SETBP1: variants seen among roughly 807,000 people sequenced by gnomAD.
SETBP1 encodes the protein SET-binding protein.
SETBP1 carries 9 observed loss-of-function variants against 101.0 expected under a neutral mutation model. That is an observed-to-expected ratio of 0.09 (90% CI 0.05 to 0.16). The LOEUF (loss-of-function observed/expected upper bound fraction) is 0.16, where lower values mean the gene tolerates loss of function less well. Among genes scored for constraint, SETBP1 ranks in the 10% least tolerant of loss-of-function variants. The probability of loss-of-function intolerance (pLI) is 1.00; values close to 1 mark genes in which losing one functional copy is unlikely to be tolerated. For missense variants in SETBP1, 1,858 were observed against 2,033.8 expected, an observed-to-expected ratio of 0.91 and a Z score of 1.66; for synonymous variants, 818 against 788.5, an observed-to-expected ratio of 1.04 and a Z score of -0.63.
chr18:44,812,849 A>G (rs544642085), intron 2 of SETBP1, among the ~76,000 whole-genome samples: 1 of 152,372 alleles, frequency 6.6e-6, no homozygotes, highest in South Asian at 2.1e-4. Flanking sequence ...AAAATGCTAC[A>G]CTTCAGCAGG....
intron 3 of SETBP1, among the ~76,000 whole-genome samples, chr18:44,933,903 G>A (rs1048094798): frequency 6.6e-6 from 1 of 152,088 alleles, no homozygotes; most frequent in Non-Finnish European, 1.5e-5. Context: ...CCTCCCAGGT[G>A]AGGCGATGCC....
At chr18:45,010,103 G>A (rs2072808098) in intron 4 of SETBP1, among the ~76,000 whole-genome samples, 1 of 152,132 alleles carries the variant, frequency 6.6e-6, no homozygotes, top group Admixed American at 6.5e-5. Context: ...TTTACTCCAT[G>A]CGCTCTCCTG....
intron 3 of SETBP1, among the ~76,000 whole-genome samples, chr18:44,928,589 C>T (rs2070755805): frequency 6.6e-6 from 1 of 152,194 alleles, no homozygotes; most frequent in Admixed American, 6.5e-5. Context: ...TCTCCAGCAC[C>T]TGTTGTTTCC....
chr18:44,714,766 T>C, intron 2 of SETBP1, among the ~76,000 whole-genome samples: 1 of 152,028 alleles, frequency 6.6e-6, no homozygotes, highest in Non-Finnish European at 1.5e-5. Flanking sequence ...CTAAGAAGTA[T>C]TGATCTCAGG....
intron 2 of SETBP1, among the ~76,000 whole-genome samples, chr18:44,766,813 A>G (rs2070771446): frequency 6.6e-6 from 1 of 152,232 alleles, no homozygotes; most frequent in Admixed American, 6.5e-5. Context: ...CTCTGAAAAA[A>G]AAAGTGATTA....
At chr18:44,816,594 C>G (rs1337924223) in intron 2 of SETBP1, among the ~76,000 whole-genome samples, 1 of 152,104 alleles carries the variant, frequency 6.6e-6, no homozygotes. Flanking sequence ...CTGTGCACAC[C>G]AGAGCATCAG....
At chr18:44,931,741 A>G (rs1279943301) in intron 3 of SETBP1, among the ~76,000 whole-genome samples, 1 of 152,056 alleles carries the variant, frequency 6.6e-6, no homozygotes, top group Non-Finnish European at 1.5e-5. Context: ...ACTCTGTTTT[A>G]TTAGAGACTA....
At chr18:44,971,165 G>C (rs2071847827) in intron 4 of SETBP1, among the ~76,000 whole-genome samples, 1 of 152,076 alleles carries the variant, frequency 6.6e-6, no homozygotes, top group African/African-American at 2.4e-5. Context: ...TCAGAATGAT[G>C]GTTTCCAGCT....
intron 3 of SETBP1, among the ~76,000 whole-genome samples, chr18:44,897,048 G>A (rs775905394): frequency 6.6e-6 from 1 of 152,128 alleles, no homozygotes; most frequent in African/African-American, 2.4e-5. Context: ...ACTTTGCTTC[G>A]CTTCTGGTGG....
At chr18:44,685,870 C>CTA (rs1378656161) in intron 1 of SETBP1, among the ~76,000 whole-genome samples, 1 of 152,210 alleles carries the variant, frequency 6.6e-6, no homozygotes, top group African/African-American at 2.4e-5. Flanking sequence ...TAGATGCCTA[C>CTA]TATGCCATGT....
chr18:44,698,253 A>G (rs1026880248), intron 1 of SETBP1, among the ~76,000 whole-genome samples: 1 of 152,192 alleles, frequency 6.6e-6, no homozygotes, highest in African/African-American at 2.4e-5. Flanking sequence ...TGCCTCTAAC[A>G]TCAGATTCCC....
intron 2 of SETBP1, among the ~76,000 whole-genome samples, chr18:44,767,839 T>G (rs2070790998): frequency 6.6e-6 from 1 of 152,208 alleles, no homozygotes; most frequent in Admixed American, 6.5e-5. Flanking sequence ...AAACAAGCCT[T>G]TGATATACTC....
intron 2 of SETBP1, among the ~76,000 whole-genome samples, chr18:44,744,516 A>G (rs1426061406): frequency 6.6e-6 from 1 of 152,240 alleles, no homozygotes; most frequent in Non-Finnish European, 1.5e-5. Context: ...CCCAAGAGCC[A>G]GTGGGAAATG....
intron 3 of SETBP1, among the ~76,000 whole-genome samples, chr18:44,902,792 G>C (rs1455193047): frequency 1.3e-5 from 2 of 151,622 alleles, no homozygotes; most frequent in Non-Finnish European, 2.9e-5. Context: ...TATGTTATTG[G>C]GATTATTAGT....
chr18:44,889,242 T>C (rs2083080745), intron 3 of SETBP1, among the ~76,000 whole-genome samples: 1 of 152,102 alleles, frequency 6.6e-6, no homozygotes, highest in South Asian at 2.1e-4. Context: ...TTTAAAAACA[T>C]TTCATTTTTC....
At chr18:44,886,667 T>C (rs2144761934) in intron 3 of SETBP1, among the ~76,000 whole-genome samples, 2 of 152,018 alleles carry the variant, frequency 1.3e-5, no homozygotes, top group Admixed American at 1.3e-4. Flanking sequence ...CATGAGCACC[T>C]ATCAGAAATA....
At chr18:45,021,624 C>T (rs541210699) in intron 4 of SETBP1, among the ~76,000 whole-genome samples, 5 of 152,196 alleles carry the variant, frequency 3.3e-5, no homozygotes, top group African/African-American at 1.2e-4. Flanking sequence ...ATATACAACT[C>T]ATAAAGAGAA....
chr18:44,958,346 A>G (rs1381373856), intron 4 of SETBP1, among the ~76,000 whole-genome samples: 1 of 152,202 alleles, frequency 6.6e-6, no homozygotes, highest in Non-Finnish European at 1.5e-5. Context: ...TCACTTAGCC[A>G]TTGGATTTCT....
At chr18:44,812,194 C>T (rs921331235) in intron 2 of SETBP1, among the ~76,000 whole-genome samples, 4 of 152,098 alleles carry the variant, frequency 2.6e-5, no homozygotes, top group African/African-American at 9.7e-5. Flanking sequence ...CCTGCTATCC[C>T]ATGGCACATG....
Sources: allele counts gnomAD v4.1 joint callset (sites outside exome capture counted in the v4.1 genomes callset), GRCh38; gene constraint gnomAD v4.1.1; transcripts MANE v1.5; gene names NCBI Gene and HGNC (gene_info 2026-07-23, HGNC 2026-07-21).